The following CNTNAP5 variants were observed in gnomAD, a reference collection of about 807,000 sequenced individuals.
CNTNAP5 encodes the protein contactin associated protein family member 5, also known as contactin-associated protein-like 5.
In CNTNAP5, 72 loss-of-function variants were observed where a neutral mutation model predicts 150.2. That is an observed-to-expected ratio of 0.48 (90% CI 0.40 to 0.58). The LOEUF (loss-of-function observed/expected upper bound fraction) is 0.58. Ranked by LOEUF, CNTNAP5 falls within the 20% of genes least tolerant of loss-of-function variation. The pLI is 0.00. For synonymous variants in CNTNAP5, 672 were observed against 619.8 expected (o/e 1.08, Z -1.25); for missense variants, 1,636 against 1,626.2 (o/e 1.01, Z -0.10).
chr2:124,197,235 C>A (rs190404440), intron 1 of CNTNAP5, among the ~76,000 whole-genome samples: 1 of 152,288 alleles, frequency 6.6e-6, no homozygotes, highest in African/African-American at 2.4e-5. Flanking sequence ...CCTTCCTCCA[C>A]CTTTGCAGAT....
At chr2:124,495,407 T>C (rs970535515) in intron 7 of CNTNAP5, among the ~76,000 whole-genome samples, 1 of 152,138 alleles carries the variant, frequency 6.6e-6, no homozygotes, top group Non-Finnish European at 1.5e-5. Context: ...AAAAGTAGAT[T>C]TGGGAGGGCA....
At chr2:124,850,662 G>T (rs1431082381) in intron 19 of CNTNAP5, among the ~76,000 whole-genome samples, 1 of 152,186 alleles carries the variant, frequency 6.6e-6, no homozygotes, top group African/African-American at 2.4e-5. Context: ...AGTGAGTATT[G>T]ATAGAGAAGT....
At chr2:124,790,398 G>C (rs2104632946) in intron 18 of CNTNAP5, among the ~76,000 whole-genome samples, 1 of 152,298 alleles carries the variant, frequency 6.6e-6, no homozygotes. Context: ...AGTAGAGAAA[G>C]AGGTGGACCC....
At chr2:124,591,592 A>T (rs1314817180) in intron 11 of CNTNAP5, among the ~76,000 whole-genome samples, 1 of 152,078 alleles carries the variant, frequency 6.6e-6, no homozygotes, top group African/African-American at 2.4e-5. Flanking sequence ...GAACATACAT[A>T]TTACACCGAT....
chr2:124,149,981 G>A (rs1684365422), intron 1 of CNTNAP5, among the ~76,000 whole-genome samples: 1 of 152,150 alleles, frequency 6.6e-6, no homozygotes, highest in Admixed American at 6.5e-5. Context: ...CTGGTGGTTA[G>A]AACCTAGATC....
At chr2:124,852,657 T>C (rs1226579406) in intron 19 of CNTNAP5, among the ~76,000 whole-genome samples, 1 of 152,122 alleles carries the variant, frequency 6.6e-6, no homozygotes, top group Non-Finnish European at 1.5e-5. Flanking sequence ...AGGGAATGGA[T>C]GGGTGTGGGA....
chr2:124,175,030 AT>A (rs1023357789), intron 1 of CNTNAP5, among the ~76,000 whole-genome samples: 251 of 152,044 alleles, frequency 1.7e-3, no homozygotes, highest in Middle Eastern at 6.8e-3. Context: ...AAGTAAGTAC[AT>A]TTTTTTTAGA....
At position 124,567,858 on chromosome 2, in the gene CNTNAP5, T is replaced by TAGATAG. The variant is rs1553480434; in HGVS notation, c.1756+4537_1756+4542dup. 8.3e-3 allele frequency among the ~76,000 whole-genome samples: 1,105 copies of TAGATAG among 132,918 alleles called. 16 individuals are homozygous for TAGATAG. Among genetic ancestry groups the TAGATAG allele is most frequent in the African/African-American group, 0.028 (991 of 35,118 alleles). 87.2% of individuals were successfully genotyped at this position (132,918 alleles called of 152,430 possible). ...GATGATAGATAGATAGATAGATAGA[T>TAGATAG]AGATAGATAGATAGATAGATAGATA... On this transcript the variant is annotated intron_variant, in intron 11 of 23. Coordinates refer to ENST00000682447, the MANE Select transcript of CNTNAP5 (RefSeq NM_001367498.1).
chr2:124,884,048 A>T (rs1573686614), intron 21 of CNTNAP5, among the ~76,000 whole-genome samples: 2 of 151,432 alleles, frequency 1.3e-5, no homozygotes, highest in Admixed American at 6.6e-5. Flanking sequence ...TGCATGTTCC[A>T]CTCTGTGTGT....
chr2:124,546,993 T>C (rs913693086), intron 10 of CNTNAP5, among the ~76,000 whole-genome samples: 13 of 152,132 alleles, frequency 8.5e-5, no homozygotes, highest in Non-Finnish European at 1.3e-4. Context: ...ATTTTATATG[T>C]GTAAATATTT....
At chr2:124,738,257 G>A (rs940986139) in intron 13 of CNTNAP5, among the ~76,000 whole-genome samples, 2 of 152,086 alleles carry the variant, frequency 1.3e-5, no homozygotes, top group Non-Finnish European at 2.9e-5. Flanking sequence ...TTTTCACTCT[G>A]CATTTGAAAA....
intron 13 of CNTNAP5, among the ~76,000 whole-genome samples, chr2:124,656,147 A>T (rs1678453745): frequency 6.6e-6 from 1 of 152,078 alleles, no homozygotes; most frequent in Non-Finnish European, 1.5e-5. Context: ...TGGAACAGGT[A>T]TACAGACATG....
chr2:124,052,099 G>C (rs1458799070), intron 1 of CNTNAP5, among the ~76,000 whole-genome samples: 1 of 152,124 alleles, frequency 6.6e-6, no homozygotes, highest in Non-Finnish European at 1.5e-5. Flanking sequence ...GTTTCTAAGT[G>C]CTTATCCTCA....
At chr2:124,475,157 G>A (rs1362314218) in intron 7 of CNTNAP5, among the ~76,000 whole-genome samples, 8 of 151,778 alleles carry the variant, frequency 5.3e-5, no homozygotes, top group African/African-American at 1.9e-4. Context: ...AGTATTTGCA[G>A]TCTATATTGG....
rs534455102 is a variant in CNTNAP5, at chr2:124,658,566, G to T, written c.2077+10608G>T. Among the ~76,000 whole-genome samples the T allele has an allele frequency of 4.0e-5, 6 of 151,800 alleles. No homozygotes were observed. The South Asian group carries it at 8.3e-4, about 21-fold the overall frequency. On this transcript the variant is annotated intron_variant, in intron 13 of 23. Transcript: ENST00000682447. ...GTGCTAATATAGTTATGTAATAGGT[G>T]ATATTTTTTGACACCTTCATACACC...
intron 1 of CNTNAP5, among the ~76,000 whole-genome samples, chr2:124,198,497 A>G (rs998398543): frequency 2.2e-4 from 34 of 152,170 alleles, no homozygotes; most frequent in African/African-American, 7.5e-4. Flanking sequence ...GGTTTAGGGC[A>G]TGATTCAGCC....
intron 11 of CNTNAP5, among the ~76,000 whole-genome samples, chr2:124,588,153 TCC>T (rs754753523): frequency 0.078 from 7,625 of 97,804 alleles, 440 homozygotes; most frequent in African/African-American, 0.11. Flanking sequence ...CTTCCTTCCT[TCC>T]TTTTCCTTCC....
At chr2:124,368,233 A>G (rs1371440131) in intron 3 of CNTNAP5, among the ~76,000 whole-genome samples, 2 of 152,218 alleles carry the variant, frequency 1.3e-5, no homozygotes, top group Non-Finnish European at 2.9e-5. Context: ...GGTTTTAGAA[A>G]TTAGTTTGTA....
intron 6 of CNTNAP5, among the ~76,000 whole-genome samples, chr2:124,453,571 C>T (rs551595291): frequency 6.6e-6 from 1 of 152,096 alleles, no homozygotes; most frequent in Non-Finnish European, 1.5e-5. Context: ...ATTGCCTAGA[C>T]ACATTGTCAG....
Sources: allele counts gnomAD v4.1 joint callset (sites outside exome capture counted in the v4.1 genomes callset), GRCh38; gene constraint gnomAD v4.1.1; transcripts MANE v1.5; gene names NCBI Gene and HGNC (gene_info 2026-07-23, HGNC 2026-07-21).